Variants in STAB2 observed in about 807,000 individuals in gnomAD.
STAB2 encodes the protein stabilin-2.
In STAB2, 288 loss-of-function variants were observed where a neutral mutation model predicts 338.1. The ratio of observed to expected loss-of-function variants is 0.85; its 90% CI spans 0.77 to 0.94. The LOEUF (loss-of-function observed/expected upper bound fraction) is 0.94, where lower values mean the gene tolerates loss of function less well. Ranked by LOEUF, STAB2 falls within the 40% of genes least tolerant of loss-of-function variation. STAB2 has a pLI of 0.00. For synonymous variants in STAB2, 1,202 were observed against 1,193.3 expected, an observed-to-expected ratio of 1.01 and a Z score of -0.15; for missense variants, 3,141 against 3,210.1, an observed-to-expected ratio of 0.98 and a Z score of 0.52.
At chr12:103,624,003 G>A (rs1957343208) in intron 5 of STAB2, among the ~76,000 whole-genome samples, 1 of 152,080 alleles carries the variant, frequency 6.6e-6, no homozygotes, top group Admixed American at 6.5e-5. Context: ...GAATATATTG[G>A]GTAGCTTTTT....
chr12:103,754,637 G>C lies in STAB2; in HGVS notation c.6715-665G>C, dbSNP rs147462323. Among the ~76,000 whole-genome samples the C allele has an allele frequency of 7.4e-4, 112 of 152,180 alleles. 2 individuals carry two copies. The East Asian group carries it at 0.02, about 27-fold the overall frequency. On this transcript the variant is annotated intron_variant, in intron 61 of 68. Transcript: ENST00000388887. ...TAATTATAATAACGATGAGAGCAAT[G>C]ATGATATTATGATGAAGAATTAGAG...
chr12:103,617,985 A>T (rs557576820), intron 3 of STAB2, among the ~76,000 whole-genome samples: 9 of 152,052 alleles, frequency 5.9e-5, no homozygotes, highest in Non-Finnish European at 1.2e-4. Context: ...GATGGATATG[A>T]CTCCCACCTC....
intron 57 of STAB2, among the ~76,000 whole-genome samples, chr12:103,745,905 T>A (rs1296836664): frequency 1.3e-5 from 2 of 152,244 alleles, no homozygotes; most frequent in Non-Finnish European, 2.9e-5. Context: ...GTCAGTTTTC[T>A]GATGTCTCCT....
chr12:103,731,903 G>T (rs1239127205), intron 50 of STAB2, among the ~76,000 whole-genome samples: 1 of 152,170 alleles, frequency 6.6e-6, no homozygotes, highest in Non-Finnish European at 1.5e-5. Context: ...TTGGAATGTG[G>T]CAGTAGTGTA....
chr12:103,641,800 T>C (rs114558338), intron 9 of STAB2, among the ~76,000 whole-genome samples: 2 of 152,304 alleles, frequency 1.3e-5, no homozygotes, highest in South Asian at 2.1e-4. Context: ...GGTACATGTA[T>C]CACCCACAAA....
chr12:103,654,425 G>A, intron 12 of STAB2, 130 bp from the exon 13 acceptor site: 1 of 1,000,196 alleles, frequency 1.0e-6, no homozygotes, highest in Non-Finnish European at 1.4e-6. Context: ...TTTAGATTAA[G>A]TGACTTATCC....
chr12:103,748,988 C>CG lies in STAB2; in HGVS notation c.6275dup (p.Cys2093LeufsTer40), dbSNP rs1883333636. The CG allele has an allele frequency of 6.2e-7, 1 of 1,613,824 alleles. No homozygotes were observed. Among genetic ancestry groups the CG allele is most frequent in the Non-Finnish European group, 8.5e-7 (1 of 1,179,896 alleles). ...TTGTGGATTTCTGCAAACAGGACAA[C>CG]GGGGGCTGTGCAAAGGTGGCCAGAT... On this transcript the variant is annotated frameshift_variant, in exon 59 of 69. Coordinates refer to ENST00000388887, the MANE Select transcript of STAB2 (RefSeq NM_017564.10). LOFTEE classifies it high-confidence loss of function.
chr12:103,758,322 C>G, intron 64 of STAB2, 33 bp downstream of exon 64: 2 of 1,609,214 alleles, frequency 1.2e-6, no homozygotes, highest in Non-Finnish European at 1.7e-6. Context: ...TTGCTTTAGA[C>G]TAGCATGTTA....
chr12:103,666,663 C>T (rs1022371148), intron 19 of STAB2, among the ~76,000 whole-genome samples: 3 of 152,188 alleles, frequency 2.0e-5, no homozygotes, highest in Admixed American at 6.5e-5. Context: ...GCACTCAGTT[C>T]CCATCTACTT....
intron 25 of STAB2, among the ~76,000 whole-genome samples, chr12:103,679,643 T>C (rs1480354623): frequency 6.6e-6 from 1 of 152,050 alleles, no homozygotes; most frequent in African/African-American, 2.4e-5. Context: ...CAGGGAGAAA[T>C]CTTTCAGTTA....
At chr12:103,682,819 G>A (rs147928112) in intron 25 of STAB2, among the ~76,000 whole-genome samples, 3,496 of 152,202 alleles carry the variant, frequency 0.023, 161 homozygotes, top group East Asian at 0.17. Flanking sequence ...GTGGTGGCAC[G>A]TGCCTGTAAT....
At chr12:103,689,646 G>A (rs188852128) in intron 28 of STAB2, among the ~76,000 whole-genome samples, 200 bp from the exon 29 acceptor site, 1 of 152,266 alleles carries the variant, frequency 6.6e-6, no homozygotes, top group East Asian at 1.9e-4. Context: ...GATTTGCTTT[G>A]ATAAGACTCA....
chr12:103,691,962 A>C (rs1174833726), intron 30 of STAB2, among the ~76,000 whole-genome samples: 1 of 152,236 alleles, frequency 6.6e-6, no homozygotes, highest in African/African-American at 2.4e-5. Flanking sequence ...TATGCAATTC[A>C]TAGCCTCAAA....
At chr12:103,619,178 C>T (rs867727832) in intron 3 of STAB2, among the ~76,000 whole-genome samples, 8 of 152,106 alleles carry the variant, frequency 5.3e-5, no homozygotes, top group African/African-American at 1.7e-4. Context: ...CTAGAACTTC[C>T]CGTCTTGTGG....
Position 103,690,424 on chromosome 12 carries a change from G to A in STAB2, c.3183G>A (p.Lys1061=), listed in dbSNP as rs755184252. 2 of 1,611,034 alleles carry A rather than the reference G, an allele frequency of 1.2e-6. No homozygotes were observed. Among genetic ancestry groups the A allele is most frequent in the East Asian group, 2.2e-5 (1 of 44,850 alleles). Residue 1061 remains lysine, a splice_region_variant and synonymous_variant, in exon 30 of 69, where the codon AAG becomes AAA. Transcript: ENST00000388887. ...TAGCCTTTGTGGACTATTGTTTCAG[G>A]TACCATATGCTACTAGGCACATACA... is the stretch of plus-strand genomic sequence containing the variant. ...LSQSNIPALI[K]YHMLLGTYRV... is the part of the protein sequence containing the mutation.
chr12:103,670,223 C>A (rs1181991719), intron 21 of STAB2, among the ~76,000 whole-genome samples: 1 of 152,140 alleles, frequency 6.6e-6, no homozygotes, highest in African/African-American at 2.4e-5. Flanking sequence ...CAAATGACTG[C>A]GGCCAGGGGT....
intron 5 of STAB2, among the ~76,000 whole-genome samples, chr12:103,627,226 G>A (rs1957394548): frequency 1.3e-5 from 2 of 152,220 alleles, no homozygotes; most frequent in Admixed American, 6.5e-5. Flanking sequence ...TGCCTCTGGT[G>A]AGTGTCCATC....
At chr12:103,759,883 A>C (rs1884412273) in intron 65 of STAB2, among the ~76,000 whole-genome samples, 1 of 152,252 alleles carries the variant, frequency 6.6e-6, no homozygotes, top group African/African-American at 2.4e-5. Context: ...CATATGGAGA[A>C]TAGAGACCCA....
At chr12:103,653,021 G>C (rs1396480559) in intron 12 of STAB2, among the ~76,000 whole-genome samples, 1 of 152,180 alleles carries the variant, frequency 6.6e-6, no homozygotes, top group Non-Finnish European at 1.5e-5. Context: ...TTTCCTGAAA[G>C]CATCAGCACA....
Sources: allele counts gnomAD v4.1 joint callset (sites outside exome capture counted in the v4.1 genomes callset), GRCh38; gene constraint gnomAD v4.1.1; transcripts MANE v1.5; gene names NCBI Gene and HGNC (gene_info 2026-07-23, HGNC 2026-07-21).